The following MTDH variants were observed in gnomAD, a reference collection of about 807,000 sequenced individuals.
MTDH encodes the protein metadherin.
Under a neutral mutation model 72.7 loss-of-function variants are expected in MTDH, and 34 were observed. That is an observed-to-expected ratio of 0.47 (90% CI 0.36 to 0.62). The LOEUF (loss-of-function observed/expected upper bound fraction) is 0.62, where lower values mean the gene tolerates loss of function less well. Among genes scored for constraint, MTDH ranks in the 20% least tolerant of loss-of-function variants. MTDH has a pLI of 0.00. For synonymous variants in MTDH, 266 were observed against 268.9 expected, an observed-to-expected ratio of 0.99 and a Z score of 0.10; for missense variants, 677 against 699.4, an observed-to-expected ratio of 0.97 and a Z score of 0.36.
At chr8:97,694,946 C>T (rs1251871275) in intron 6 of MTDH, among the ~76,000 whole-genome samples, 1 of 152,014 alleles carries the variant, frequency 6.6e-6, no homozygotes, top group Non-Finnish European at 1.5e-5. Context: ...AAAAGACCTT[C>T]CCTAAATTCC....
chr8:97,724,624 C>G lies in MTDH; in HGVS notation c.1703C>G (p.Ser568Cys). ...SQTKSETSWE[S>C]PKQIKKKKKA... ...GCCAAGTCTGAAACTAGCTGGGAAT[C>G]TCCCAAACAAATAAAAAAGAAGAAA... The change falls in exon 12 of 12, where the codon TCT becomes TGT. Residue 568 changes from serine to cysteine, a missense_variant. Around this residue, in one of 3 missense-constraint regions of MTDH, gnomAD observed 201 missense variants for 204.5 expected, o/e 0.98. Transcript: ENST00000336273. 1 of 1,592,396 alleles carries G rather than the reference C, an allele frequency of 6.3e-7. No homozygotes were observed. The highest frequency in any genetic ancestry group is 8.5e-7 in the Non-Finnish European group (1 of 1,175,150).
intron 2 of MTDH, among the ~76,000 whole-genome samples, chr8:97,669,635 C>T (rs1318264198): frequency 1.3e-5 from 2 of 151,958 alleles, no homozygotes; most frequent in South Asian, 2.1e-4. Context: ...ATACTACTCC[C>T]GCCAATCACA....
intron 1 of MTDH, among the ~76,000 whole-genome samples, chr8:97,654,891 G>T (rs1276469345): frequency 6.6e-6 from 1 of 152,124 alleles, no homozygotes; most frequent in Non-Finnish European, 1.5e-5. Flanking sequence ...CTTGAGCTCA[G>T]GAGTTTGACA....
At chr8:97,676,691 A>T (rs1812859644) in intron 2 of MTDH, among the ~76,000 whole-genome samples, 1 of 151,936 alleles carries the variant, frequency 6.6e-6, no homozygotes, top group African/African-American at 2.4e-5. Context: ...CAACATGGTG[A>T]AACCTTGTCT....
Position 97,644,681 on chromosome 8 carries a change from C to G in MTDH, c.175C>G (p.Leu59Val). Residue 59 changes from leucine to valine, a missense_variant, in exon 1 of 12, where the codon CTC (leucine) becomes GTC (valine). Physicochemically the swap from Leu to Val is conservative, Grantham distance 32. Transcript: ENST00000336273. ...GGTGATCCTGGTGGGCACTGGCGCGCTCGGGCTGCTGCTGCTGTTTCTGCT... is the reference window on the plus strand; with the variant it reads ...GGTGATCCTGGTGGGCACTGGCGCGGTCGGGCTGCTGCTGCTGTTTCTGCT... Reference protein sequence around the residue: ...GWVILVGTGALGLLLLFLLGY... With the variant: ...GWVILVGTGAVGLLLLFLLGY... 1 of 1,605,058 alleles carries G rather than the reference C, an allele frequency of 6.2e-7. No individual in the cohort carries two copies. Among genetic ancestry groups the G allele is most frequent in the East Asian group, 2.3e-5 (1 of 43,820 alleles).
rs1033570965 is a variant in MTDH, at chr8:97,691,192, A to G, written c.1048+4A>G. 6.5e-7 allele frequency: 1 copy of G among 1,536,122 alleles called. No individual in the cohort carries two copies. The highest frequency in any genetic ancestry group is 2.1e-5 in the Admixed American group (1 of 48,624). ...CGTTCAATATTTTCTGGCATTGGTA[A>G]GAAGTGTTAGAAAAATTTAACTTTA... On this transcript the variant is annotated splice_donor_region_variant and intron_variant, in intron 6 of 11. Coordinates refer to ENST00000336273, the MANE Select transcript of MTDH (RefSeq NM_178812.4).
intron 2 of MTDH, among the ~76,000 whole-genome samples, chr8:97,680,789 A>G (rs1329121901): frequency 6.6e-6 from 1 of 152,184 alleles, no homozygotes; most frequent in Non-Finnish European, 1.5e-5. Context: ...AACCCCTGCT[A>G]ATTTCAAATG....
intron 11 of MTDH, among the ~76,000 whole-genome samples, chr8:97,723,853 A>T (rs1815244439): frequency 6.6e-6 from 1 of 152,092 alleles, no homozygotes; most frequent in Admixed American, 6.6e-5. Flanking sequence ...CACACCTGTA[A>T]TCCGAGCACT....
intron 6 of MTDH, among the ~76,000 whole-genome samples, chr8:97,692,172 G>A (rs1275776337): frequency 3.3e-5 from 5 of 151,844 alleles, no homozygotes; most frequent in Admixed American, 1.3e-4. Context: ...GTGCGCCATC[G>A]CACCCGGCCT....
chr8:97,715,988 A>ATT (rs545013660), intron 9 of MTDH, among the ~76,000 whole-genome samples: 3 of 145,214 alleles, frequency 2.1e-5, no homozygotes, highest in Non-Finnish European at 4.6e-5. Flanking sequence ...TTGTTCTGTC[A>ATT]TTTTTTTTTT....
At chr8:97,724,517 TTAC>T in intron 11 of MTDH, 80 bp from the exon 12 acceptor site, 1 of 910,478 alleles carries the variant, frequency 1.1e-6, no homozygotes, top group South Asian at 1.8e-5. Flanking sequence ...TGTTTCATAG[TTAC>T]TACTTTTATA....
intron 2 of MTDH, among the ~76,000 whole-genome samples, chr8:97,684,787 T>A (rs1813290331): frequency 6.6e-6 from 1 of 152,072 alleles, no homozygotes; most frequent in African/African-American, 2.4e-5. Context: ...AATAATAATT[T>A]TGAGGCTGGG....
At chr8:97,666,986 C>T (rs1056375136) in intron 2 of MTDH, among the ~76,000 whole-genome samples, 18 of 151,798 alleles carry the variant, frequency 1.2e-4, no homozygotes, top group South Asian at 8.3e-4. Flanking sequence ...TGAGATCCAC[C>T]GTACCCTGCC....
rs1301035515 is a variant in MTDH at position 97,652,317 on chromosome 8, G to A, written c.381+7430G>A. On this transcript the variant is annotated intron_variant, in intron 1 of 11. Coordinates refer to ENST00000336273, the MANE Select transcript of MTDH (RefSeq NM_178812.4). ...TCTTGAAACTCTTTCACAACCCAGC[G>A]CCTTTACATGAGCTATTATTAACAC... Among the ~76,000 whole-genome samples, 4 of 152,058 alleles carry A rather than the reference G, an allele frequency of 2.6e-5. No homozygotes were observed. In the East Asian group the frequency reaches 5.8e-4, roughly 22 times the overall value.
rs974081459 is a variant in MTDH, at chr8:97,690,683, C to T, written c.812-269C>T. 6.6e-5 allele frequency among the ~76,000 whole-genome samples: 10 copies of T among 152,232 alleles called. No homozygotes were observed. In the East Asian group the frequency reaches 1.7e-3, roughly 26 times the overall value. On this transcript the variant is annotated intron_variant, in intron 5 of 11. Transcript: ENST00000336273. ...GTAACTAAGGAAATGTCTTCATATT[C>T]TTAGTGGGTGAGTATTCAGAATATG... is the stretch of plus-strand genomic sequence containing the variant.
At chr8:97,674,944 G>A (rs977121251) in intron 2 of MTDH, among the ~76,000 whole-genome samples, 2 of 152,014 alleles carry the variant, frequency 1.3e-5, no homozygotes, top group African/African-American at 4.8e-5. Flanking sequence ...CCAAGTAGCT[G>A]GGACTACAGG....
intron 6 of MTDH, among the ~76,000 whole-genome samples, chr8:97,693,088 G>T (rs546150447): frequency 2.6e-5 from 4 of 152,172 alleles, no homozygotes; most frequent in Non-Finnish European, 5.9e-5. Flanking sequence ...GGATTAAAGG[G>T]AATATGGATG....
intron 1 of MTDH, among the ~76,000 whole-genome samples, chr8:97,655,344 C>T (rs1024061842): frequency 6.6e-6 from 1 of 152,218 alleles, no homozygotes; most frequent in African/African-American, 2.4e-5. Flanking sequence ...TTCTGCATAG[C>T]ACTCTACTGA....
chr8:97,697,150 A>ATTTTTTTTTTTTT (rs59102217), intron 6 of MTDH, among the ~76,000 whole-genome samples: 35 of 68,554 alleles, frequency 5.1e-4, no homozygotes, highest in South Asian at 1.8e-3. Context: ...ATATATATAT[A>ATTTTTTTTTTTTT]TTTTTTTTTT....
Sources: allele counts gnomAD v4.1 joint callset (sites outside exome capture counted in the v4.1 genomes callset), GRCh38; gene constraint gnomAD v4.1.1; regional missense constraint gnomAD v4.1.1; transcripts MANE v1.5; gene names NCBI Gene and HGNC (gene_info 2026-07-23, HGNC 2026-07-21).